PTPRD: variants seen among roughly 807,000 people sequenced by gnomAD.
The protein encoded by PTPRD is receptor-type tyrosine-protein phosphatase delta.
In PTPRD, 34 loss-of-function variants were observed where a neutral mutation model predicts 214.5. That is an observed-to-expected ratio of 0.16 (90% CI 0.12 to 0.21). The LOEUF (loss-of-function observed/expected upper bound fraction) is 0.21, where lower values mean the gene tolerates loss of function less well. Ranked by LOEUF, PTPRD falls within the 10% of genes least tolerant of loss-of-function variation. The pLI is 1.00. For synonymous variants in PTPRD, 1,128 were observed against 845.7 expected (o/e 1.33, Z -5.79); for missense variants, 2,545 against 2,398.7 (o/e 1.06, Z -1.27).
At chr9:9,753,234 G>C (rs529438112) in intron 6 of PTPRD, among the ~76,000 whole-genome samples, 81 of 152,028 alleles carry the variant, frequency 5.3e-4, no homozygotes, top group African/African-American at 1.9e-3. Flanking sequence ...ATTCCAGAAA[G>C]AATCATTCAG....
intron 3 of PTPRD, among the ~76,000 whole-genome samples, chr9:10,232,068 T>TGTCTG (rs747693231): frequency 1.1e-4 from 16 of 150,172 alleles, no homozygotes; most frequent in Non-Finnish European, 1.6e-4. Context: ...TTCCTCCTCC[T>TGTCTG]GTCTGGTCCC....
intron 9 of PTPRD, among the ~76,000 whole-genome samples, chr9:9,383,388 T>G (rs2062907190): frequency 6.6e-6 from 1 of 152,100 alleles, no homozygotes; most frequent in African/African-American, 2.4e-5. Flanking sequence ...GACATACAAG[T>G]TCACCATGTT....
At chr9:9,743,628 G>T (rs1297233785) in intron 6 of PTPRD, among the ~76,000 whole-genome samples, 1 of 151,536 alleles carries the variant, frequency 6.6e-6, no homozygotes, top group East Asian at 1.9e-4. Flanking sequence ...TTTTCCAAAG[G>T]CATGACCTTT....
chr9:9,627,605 A>G (rs2095463710), intron 7 of PTPRD, among the ~76,000 whole-genome samples: 1 of 152,194 alleles, frequency 6.6e-6, no homozygotes, highest in Non-Finnish European at 1.5e-5. Flanking sequence ...AACAAATAAC[A>G]CTTAAATTGC....
intron 14 of PTPRD, among the ~76,000 whole-genome samples, chr9:8,549,878 G>C (rs375481137): frequency 2.0e-5 from 3 of 152,186 alleles, no homozygotes; most frequent in East Asian, 3.9e-4. Context: ...CAGACAAAAA[G>C]GGTACCATTT....
chr9:9,078,025 T>C (rs2099753701), intron 10 of PTPRD, among the ~76,000 whole-genome samples: 1 of 152,100 alleles, frequency 6.6e-6, no homozygotes, highest in Non-Finnish European at 1.5e-5. Context: ...GCTAGATTTC[T>C]ATACAGATAT....
intron 3 of PTPRD, among the ~76,000 whole-genome samples, chr9:10,196,293 T>G (rs938230761): frequency 6.6e-6 from 1 of 152,174 alleles, no homozygotes; most frequent in African/African-American, 2.4e-5. Flanking sequence ...TACAAGATCT[T>G]TGATGTCACT....
chr9:9,359,440 C>A (rs1288655879), intron 9 of PTPRD, among the ~76,000 whole-genome samples: 1 of 151,202 alleles, frequency 6.6e-6, no homozygotes, highest in African/African-American at 2.4e-5. Flanking sequence ...TTCTAACAAT[C>A]TCTCTCTTTT....
At chr9:9,299,855 C>T (rs897422068) in intron 9 of PTPRD, among the ~76,000 whole-genome samples, 21 of 151,212 alleles carry the variant, frequency 1.4e-4, no homozygotes, top group African/African-American at 5.1e-4. Flanking sequence ...TCTTGAGCAA[C>T]AAAAACTTCT....
chr9:8,627,618 G>C (rs948072654), intron 14 of PTPRD, among the ~76,000 whole-genome samples: 4 of 151,818 alleles, frequency 2.6e-5, no homozygotes, highest in African/African-American at 7.3e-5. Flanking sequence ...CATGATCTCA[G>C]TGTGGCAAAA....
chr9:8,398,426 A>C (rs2091705248), intron 36 of PTPRD, among the ~76,000 whole-genome samples: 1 of 152,140 alleles, frequency 6.6e-6, no homozygotes, highest in Non-Finnish European at 1.5e-5. Context: ...ACTTACTTTT[A>C]CTTATTAAAG....
chr9:9,069,585 T>C (rs2099740776), intron 10 of PTPRD, among the ~76,000 whole-genome samples: 1 of 152,222 alleles, frequency 6.6e-6, no homozygotes, highest in African/African-American at 2.4e-5. Context: ...TCCAGCCTTG[T>C]ATTGAGGCCT....
intron 35 of PTPRD, among the ~76,000 whole-genome samples, chr9:8,405,093 G>C (rs1462503388): frequency 6.6e-6 from 1 of 152,050 alleles, no homozygotes; most frequent in Non-Finnish European, 1.5e-5. Flanking sequence ...TCTTTCACTG[G>C]CTTCAATGGA....
At chr9:8,934,403 GTGTGTGTGTGTGTGTGTGTATA>G (rs1384060115) in intron 11 of PTPRD, among the ~76,000 whole-genome samples, 1 of 41,802 alleles carries the variant, frequency 2.4e-5, no homozygotes, top group Non-Finnish European at 4.2e-5. Flanking sequence ...ATGTGTGTGT[GTGTGTGTGTGTGTGTGTGTATA>G]TATATATATA....
At chr9:10,255,199 G>A (rs1282021717) in intron 3 of PTPRD, among the ~76,000 whole-genome samples, 1 of 152,158 alleles carries the variant, frequency 6.6e-6, no homozygotes, top group Non-Finnish European at 1.5e-5. Flanking sequence ...TGCTTAAGGA[G>A]GGGGATACAT....
intron 10 of PTPRD, among the ~76,000 whole-genome samples, chr9:9,105,005 T>C (rs1288471036): frequency 6.6e-6 from 1 of 152,126 alleles, no homozygotes; most frequent in African/African-American, 2.4e-5. Flanking sequence ...AACAAATCCG[T>C]TTAGGACATT....
At chr9:9,701,935 A>T (rs1303010378) in intron 7 of PTPRD, among the ~76,000 whole-genome samples, 1 of 152,126 alleles carries the variant, frequency 6.6e-6, no homozygotes, top group African/African-American at 2.4e-5. Context: ...CCTGGCCAAC[A>T]TGGTGAAACT....
chr9:8,320,149 G>T (rs932001154), intron 44 of PTPRD, among the ~76,000 whole-genome samples, 183 bp from the exon 45 acceptor site: 14 of 152,100 alleles, frequency 9.2e-5, no homozygotes, highest in Admixed American at 2.0e-4. Context: ...GTAACAGCAT[G>T]TGATAATGAG....
chr9:8,707,218 C>T (rs2098228715), intron 12 of PTPRD, among the ~76,000 whole-genome samples: 2 of 152,066 alleles, frequency 1.3e-5, no homozygotes, highest in Admixed American at 1.3e-4. Flanking sequence ...GTGGTCACTC[C>T]CAACCTTAAG....
Sources: gnomAD v4.1 joint callset for allele counts (sites outside exome capture counted in the v4.1 genomes callset) on GRCh38, gnomAD v4.1.1 for gene constraint, MANE v1.5 for transcripts, NCBI Gene and HGNC (gene_info 2026-07-23, HGNC 2026-07-21) for gene names.